DENND1B: variants seen among roughly 807,000 people sequenced by gnomAD.
DENND1B encodes the protein DENN domain-containing protein 1B.
DENND1B carries 59 observed loss-of-function variants against 90.1 expected under a neutral mutation model. The ratio of observed to expected loss-of-function variants is 0.65; its 90% CI spans 0.53 to 0.81. The LOEUF is 0.81. Ranked by LOEUF, DENND1B falls within the 40% of genes least tolerant of loss-of-function variation. The probability of loss-of-function intolerance (pLI) is 0.00; values close to 1 mark genes in which losing one functional copy is unlikely to be tolerated. For synonymous variants in DENND1B, 337 were observed against 324.6 expected, an observed-to-expected ratio of 1.04 and a Z score of -0.41; for missense variants, 862 against 912.6, an observed-to-expected ratio of 0.94 and a Z score of 0.71.
chr1:197,632,417 G>T lies in DENND1B; in HGVS notation c.672+10294C>A, dbSNP rs189417353. 1.9e-3 allele frequency among the ~76,000 whole-genome samples: 292 copies of T among 152,054 alleles called. 1 individual carries two copies. Among genetic ancestry groups the T allele is most frequent in the Non-Finnish European group, 3.6e-3 (243 of 67,980 alleles). ...TATTAAAGATATATTTCCTAGACAT[G>T]ATACAAATTCCTTTCGAGAATGAGG... On this transcript the variant is annotated intron_variant, in intron 10 of 22. Transcript: ENST00000620048.
chr1:197,638,873 T>TAA (rs5779883), intron 10 of DENND1B, among the ~76,000 whole-genome samples: 58 of 150,612 alleles, frequency 3.9e-4, no homozygotes, highest in South Asian at 8.4e-4. Context: ...ATCAACAGAA[T>TAA]AAAAAAAAAC....
chr1:197,579,180 G>A (rs772636358), intron 15 of DENND1B, among the ~76,000 whole-genome samples: 6 of 152,132 alleles, frequency 3.9e-5, no homozygotes, highest in Non-Finnish European at 7.3e-5. Flanking sequence ...CTGTTTGATG[G>A]AATAATTGGG....
chr1:197,617,483 C>T (rs779215407), intron 11 of DENND1B, among the ~76,000 whole-genome samples, 176 bp downstream of exon 11: 5 of 151,130 alleles, frequency 3.3e-5, no homozygotes, highest in Non-Finnish European at 5.9e-5. Flanking sequence ...TATAAACTTG[C>T]GCTACCTTTG....
intron 2 of DENND1B, among the ~76,000 whole-genome samples, chr1:197,771,435 A>G (rs944389508): frequency 6.6e-6 from 1 of 152,204 alleles, no homozygotes; most frequent in South Asian, 2.1e-4. Context: ...TTTACTACAT[A>G]CAGGACAATA....
intron 3 of DENND1B, among the ~76,000 whole-genome samples, chr1:197,693,903 C>T (rs907633479): frequency 6.6e-6 from 1 of 151,434 alleles, no homozygotes; most frequent in African/African-American, 2.4e-5. Context: ...AACAAAAGAT[C>T]GGGTGGAGAA....
At chr1:197,695,753 A>G (rs1380208982) in intron 3 of DENND1B, among the ~76,000 whole-genome samples, 1 of 151,202 alleles carries the variant, frequency 6.6e-6, no homozygotes, top group African/African-American at 2.4e-5. Context: ...CAACCAAAAA[A>G]TATCCAATTT....
intron 3 of DENND1B, chr1:197,690,592 G>T: frequency 4.1e-6 from 1 of 243,846 alleles, no homozygotes; most frequent in South Asian, 6.7e-5. Flanking sequence ...GCTAGAGTTG[G>T]GAAGGTCAGC....
chr1:197,744,201 T>C (rs1400198842), intron 2 of DENND1B, among the ~76,000 whole-genome samples: 1 of 152,206 alleles, frequency 6.6e-6, no homozygotes, highest in Non-Finnish European at 1.5e-5. Flanking sequence ...AATCATGAAA[T>C]ATTCTTAATG....
chr1:197,626,642 C>A (rs926967910), intron 10 of DENND1B, among the ~76,000 whole-genome samples: 1 of 151,906 alleles, frequency 6.6e-6, no homozygotes, highest in Non-Finnish European at 1.5e-5. Context: ...CAAACACATT[C>A]AAAAACTAGC....
intron 2 of DENND1B, among the ~76,000 whole-genome samples, chr1:197,760,672 T>C (rs1465853979): frequency 1.3e-5 from 2 of 151,156 alleles, no homozygotes; most frequent in Non-Finnish European, 2.9e-5. Flanking sequence ...TACCCACAGA[T>C]TTTATAATCC....
chr1:197,556,313 T>A (rs544737330), intron 15 of DENND1B, among the ~76,000 whole-genome samples: 3 of 152,098 alleles, frequency 2.0e-5, no homozygotes, highest in East Asian at 1.9e-4. Context: ...TCATGCAACA[T>A]ACCCATGTAC....
rs1667928712 is a variant in DENND1B at position 197,510,268 on chromosome 1, G to A, written c.*192C>T. ...ATACACACTAGTACCTGATTTAAAA[G>A]CACAGTAGAATTCGCTTTATATTTA... is the stretch of plus-strand genomic sequence containing the variant. On this transcript the variant is annotated 3_prime_UTR_variant, in exon 23 of 23. Transcript: ENST00000620048. 1.6e-6 allele frequency: 1 copy of A among 634,974 alleles called. No individual in the cohort carries two copies. The highest frequency in any genetic ancestry group is 2.3e-5 in the South Asian group (1 of 42,626). The allele number at this position is 634,974 out of a possible 1,614,324, so 39.3% of individuals were successfully genotyped here. A position where few individuals can be genotyped will look rare whatever the true frequency, so the allele number is the denominator to read the frequency against.
intron 11 of DENND1B, among the ~76,000 whole-genome samples, chr1:197,617,435 G>T (rs1356025885): frequency 1.3e-5 from 2 of 151,102 alleles, no homozygotes; most frequent in Admixed American, 6.6e-5. Flanking sequence ...GACTGCAGAA[G>T]AAATTCACAA....
chr1:197,660,731 G>A (rs1232729541), intron 5 of DENND1B, among the ~76,000 whole-genome samples: 2 of 151,988 alleles, frequency 1.3e-5, no homozygotes, highest in Non-Finnish European at 2.9e-5. Context: ...AAAATACAAA[G>A]GTTAAATTCT....
intron 20 of DENND1B, among the ~76,000 whole-genome samples, chr1:197,526,355 T>G (rs1309237199): frequency 2.0e-5 from 3 of 152,056 alleles, no homozygotes; most frequent in Non-Finnish European, 4.4e-5. Context: ...CAATAATAAT[T>G]TGTTTACAAA....
In DENND1B at chr1:197,539,959, C is replaced by T; in HGVS notation, c.1515+5G>A. 6.3e-7 allele frequency: 1 copy of T among 1,592,338 alleles called. No homozygotes were observed. Among genetic ancestry groups the T allele is most frequent in the Non-Finnish European group, 8.6e-7 (1 of 1,161,312 alleles). On this transcript the variant is annotated splice_donor_5th_base_variant and intron_variant, in intron 20 of 22. Transcript: ENST00000620048. ...GGGGAATGAAGGGTAAATAACCTTA[C>T]TTACCTGAGCAAGCTTACGCTTTTC...
intron 2 of DENND1B, among the ~76,000 whole-genome samples, chr1:197,718,531 C>A (rs1660857995): frequency 6.6e-6 from 1 of 151,894 alleles, no homozygotes; most frequent in African/African-American, 2.4e-5. Context: ...ACAGGGTCTA[C>A]CACTTACAGA....
chr1:197,719,012 CAA>C (rs1423030933), intron 2 of DENND1B, among the ~76,000 whole-genome samples: 4 of 151,974 alleles, frequency 2.6e-5, no homozygotes, highest in African/African-American at 9.7e-5. Context: ...AATCCTCAAA[CAA>C]ATGCTGCAAC....
chr1:197,673,421 C>T (rs1035580044), intron 4 of DENND1B, among the ~76,000 whole-genome samples: 2 of 151,920 alleles, frequency 1.3e-5, no homozygotes, highest in Non-Finnish European at 2.9e-5. Flanking sequence ...AATACTTTAG[C>T]GAAGTATTTT....
Sources: allele counts gnomAD v4.1 joint callset (sites outside exome capture counted in the v4.1 genomes callset), GRCh38; gene constraint gnomAD v4.1.1; transcripts MANE v1.5; gene names NCBI Gene and HGNC (gene_info 2026-07-23, HGNC 2026-07-21).